Variants in RBFOX1 observed in about 807,000 individuals in gnomAD.
RBFOX1 encodes the protein RNA binding fox-1 homolog 1.
Under a neutral mutation model 57.7 loss-of-function variants are expected in RBFOX1, and 8 were observed. The ratio of observed to expected loss-of-function variants is 0.14; its 90% CI spans 0.08 to 0.25. The LOEUF (loss-of-function observed/expected upper bound fraction) is 0.25. RBFOX1 is among the 10% of genes least tolerant of loss of function. The probability of loss-of-function intolerance (pLI) is 1.00; values close to 1 mark genes in which losing one functional copy is unlikely to be tolerated. For synonymous variants in RBFOX1, 326 were observed against 222.4 expected (o/e 1.47, Z -4.15); for missense variants, 611 against 548.5 (o/e 1.11, Z -1.14).
intron 3 of RBFOX1, among the ~76,000 whole-genome samples, chr16:6,765,379 C>T (rs2077187354): frequency 6.6e-6 from 1 of 152,138 alleles, no homozygotes; most frequent in Non-Finnish European, 1.5e-5. Flanking sequence ...CCGTGTGTAA[C>T]TTATCTCTTA....
intron 1 of RBFOX1, among the ~76,000 whole-genome samples, chr16:5,395,825 C>A (rs991921889): frequency 6.6e-6 from 1 of 152,224 alleles, no homozygotes; most frequent in African/African-American, 2.4e-5. Flanking sequence ...TTGGGAGAAG[C>A]CCATGTAGCA....
intron 4 of RBFOX1, among the ~76,000 whole-genome samples, chr16:7,281,934 T>C (rs796256161): frequency 9.9e-5 from 15 of 152,272 alleles, no homozygotes; most frequent in African/African-American, 3.4e-4. Flanking sequence ...GGCACAATTA[T>C]AGCTCACTGC....
intron 3 of RBFOX1, among the ~76,000 whole-genome samples, chr16:6,712,264 C>CA (rs1237490559): frequency 6.6e-6 from 1 of 152,122 alleles, no homozygotes; most frequent in Non-Finnish European, 1.5e-5. Flanking sequence ...CCTTAAGTGT[C>CA]AATGCCATCA....
At chr16:7,619,656 A>G (rs2059004283) in intron 10 of RBFOX1, among the ~76,000 whole-genome samples, 3 of 152,198 alleles carry the variant, frequency 2.0e-5, no homozygotes, top group African/African-American at 7.2e-5. Context: ...CTCTTACAGC[A>G]TCTTAGAGGC....
At chr16:6,892,703 C>A (rs1411111314) in intron 3 of RBFOX1, among the ~76,000 whole-genome samples, 1 of 151,032 alleles carries the variant, frequency 6.6e-6, no homozygotes, top group Non-Finnish European at 1.5e-5. Flanking sequence ...GAGTGAAGTA[C>A]AGTGCTATTT....
intron 4 of RBFOX1, among the ~76,000 whole-genome samples, chr16:7,163,903 A>C (rs1486007843): frequency 2.6e-5 from 4 of 152,054 alleles, no homozygotes; most frequent in Non-Finnish European, 5.9e-5. Context: ...CAAATGATCC[A>C]TCCACTTCAG....
At chr16:7,276,079 C>T (rs141406518) in intron 4 of RBFOX1, among the ~76,000 whole-genome samples, 17 of 152,324 alleles carry the variant, frequency 1.1e-4, no homozygotes, top group Admixed American at 2.6e-4. Context: ...CCTAAACATA[C>T]CTCTTTGTCC....
Position 7,693,247 on chromosome 16 carries a change from G to A in RBFOX1, c.996-15809G>A, listed in dbSNP as rs147841967. ...TTCCCTCCCCTCATCTGTACACATC[G>A]AAGCAATTGGCAGAGAGCACATTTC... On this transcript the variant is annotated intron_variant, in intron 14 of 15. Transcript: ENST00000550418. 1.8e-4 allele frequency: 250 copies of A among 1,390,978 alleles called. No homozygotes were observed. The East Asian group carries it at 4.3e-3, about 24-fold the overall frequency. The allele number at this position is 1,390,978 out of a possible 1,614,324, so 86.2% of individuals were successfully genotyped here.
chr16:6,180,567 C>A (rs2152787678), intron 1 of RBFOX1, among the ~76,000 whole-genome samples: 1 of 147,494 alleles, frequency 6.8e-6, no homozygotes, highest in Middle Eastern at 3.4e-3. Flanking sequence ...TATTGTCATT[C>A]TTCTTTTTTC....
intron 3 of RBFOX1, among the ~76,000 whole-genome samples, chr16:6,871,610 C>T (rs2060896533): frequency 6.6e-6 from 1 of 152,076 alleles, no homozygotes; most frequent in Non-Finnish European, 1.5e-5. Context: ...TTCTATTCTC[C>T]TGGCCAAAGC....
intron 3 of RBFOX1, among the ~76,000 whole-genome samples, chr16:5,637,897 A>T (rs760328603): frequency 2.0e-5 from 3 of 152,108 alleles, no homozygotes; most frequent in Non-Finnish European, 4.4e-5. Context: ...GGAGGAAATG[A>T]CCCTGTTTCC....
At chr16:6,828,860 G>C (rs945737013) in intron 3 of RBFOX1, among the ~76,000 whole-genome samples, 4 of 152,150 alleles carry the variant, frequency 2.6e-5, no homozygotes. Flanking sequence ...ATTTTCATAA[G>C]TATTCCACCC....
intron 3 of RBFOX1, among the ~76,000 whole-genome samples, chr16:5,665,885 C>A (rs2049827584): frequency 6.6e-6 from 1 of 152,234 alleles, no homozygotes; most frequent in Admixed American, 6.5e-5. Flanking sequence ...TTTCAGCAGG[C>A]CTCAGCTTCT....
At chr16:6,670,786 A>C (rs978850598) in intron 3 of RBFOX1, among the ~76,000 whole-genome samples, 1 of 152,120 alleles carries the variant, frequency 6.6e-6, no homozygotes, top group African/African-American at 2.4e-5. Context: ...TCACAAGGTC[A>C]GGAGATCGAG....
chr16:6,943,598 CT>C (rs1405382752), intron 3 of RBFOX1, among the ~76,000 whole-genome samples: 1 of 151,610 alleles, frequency 6.6e-6, no homozygotes, highest in African/African-American at 2.4e-5. Context: ...GTCCCAGCTA[CT>C]TGGGAGGCTG....
At chr16:6,188,438 G>T (rs1053780619) in intron 1 of RBFOX1, among the ~76,000 whole-genome samples, 3 of 136,004 alleles carry the variant, frequency 2.2e-5, no homozygotes, top group Non-Finnish European at 3.1e-5. Context: ...AAAAAAAAAA[G>T]GCTAAACATA....
chr16:6,572,666 C>A lies in RBFOX1; in HGVS notation c.-63-81937C>A, dbSNP rs1263693908. On this transcript the variant is annotated intron_variant, in intron 2 of 15. Transcript: ENST00000550418. ...GGAGTGCAGTGTCACTATCTCAGCT[C>A]ACCGCAACCTCTGCCTCCCGGGCTC... Among the ~76,000 whole-genome samples, 4 of 152,098 alleles carry A rather than the reference C, an allele frequency of 2.6e-5. No individual in the cohort carries two copies. The South Asian group carries it at 8.3e-4, about 32-fold the overall frequency.
chr16:5,913,938 C>T (rs766210225), intron 4 of RBFOX1, among the ~76,000 whole-genome samples: 2 of 152,242 alleles, frequency 1.3e-5, no homozygotes, highest in South Asian at 2.1e-4. Flanking sequence ...TGTCACTCCT[C>T]TCATTCCGTC....
chr16:7,201,790 C>G (rs1000165436), intron 4 of RBFOX1, among the ~76,000 whole-genome samples: 2 of 152,056 alleles, frequency 1.3e-5, no homozygotes, highest in African/African-American at 4.8e-5. Context: ...CAAAGCTTAC[C>G]CAGGCTGGTA....
Sources: allele counts gnomAD v4.1 joint callset (sites outside exome capture counted in the v4.1 genomes callset), GRCh38; gene constraint gnomAD v4.1.1; transcripts MANE v1.5; gene names NCBI Gene and HGNC (gene_info 2026-07-23, HGNC 2026-07-21).